The following RASEF variants were observed in gnomAD, a reference collection of about 807,000 sequenced individuals.
The protein encoded by RASEF is RAS and EF-hand domain containing.
Under a neutral mutation model 90.1 loss-of-function variants are expected in RASEF, and 68 were observed. The observed-to-expected ratio is 0.75, with a 90% CI of 0.62 to 0.92. The LOEUF (loss-of-function observed/expected upper bound fraction) is 0.92. RASEF is among the 40% of genes least tolerant of loss of function. The pLI, the probability that RASEF is intolerant of heterozygous loss-of-function variation, is 0.00. For missense variants in RASEF, 949 were observed against 937.2 expected, an observed-to-expected ratio of 1.01 and a Z score of -0.16; for synonymous variants, 331 against 345.2, an observed-to-expected ratio of 0.96 and a Z score of 0.46.
At chr9:83,142,072 T>C in the RASEF span, among the ~76,000 whole-genome samples, 2 of 152,178 alleles carry the variant, frequency 1.3e-5, no homozygotes, top group South Asian at 4.1e-4. Flanking sequence ...ACCATGTCCC[T>C]GGCAAAAACT....
At chr9:83,102,851 T>TG in the RASEF span, among the ~76,000 whole-genome samples, 2 of 152,146 alleles carry the variant, frequency 1.3e-5, no homozygotes, top group African/African-American at 2.4e-5. Flanking sequence ...AGGAGGTAGT[T>TG]GGGGGGTACA....
the RASEF span, among the ~76,000 whole-genome samples, chr9:83,128,437 A>G: frequency 6.9e-6 from 1 of 145,944 alleles, no homozygotes; most frequent in Admixed American, 6.8e-5. Context: ...GTCGTGCCCA[A>G]TTTTGAGTGG....
the RASEF span, chr9:83,202,011 C>A: frequency 1.3e-5 from 2 of 155,412 alleles, no homozygotes; most frequent in South Asian, 3.5e-4. Context: ...GCTATGGGGT[C>A]AAATACATCT....
chr9:83,191,146 G>T, the RASEF span, among the ~76,000 whole-genome samples: 1 of 152,134 alleles, frequency 6.6e-6, no homozygotes, highest in Non-Finnish European at 1.5e-5. Flanking sequence ...AGTCTAATGA[G>T]AGACTATCCC....
At chr9:83,115,255 T>A in the RASEF span, among the ~76,000 whole-genome samples, 1 of 152,150 alleles carries the variant, frequency 6.6e-6, no homozygotes, top group Non-Finnish European at 1.5e-5. Flanking sequence ...AAACCTGATA[T>A]CTAGATAGTA....
At chr9:83,173,445 C>G in the RASEF span, among the ~76,000 whole-genome samples, 4 of 151,584 alleles carry the variant, frequency 2.6e-5, no homozygotes, top group African/African-American at 9.7e-5. Flanking sequence ...TTTTTCTCCT[C>G]TGACTGTGTA....
the RASEF span, among the ~76,000 whole-genome samples, chr9:83,115,490 C>T: frequency 6.6e-6 from 1 of 152,126 alleles, no homozygotes; most frequent in South Asian, 2.1e-4. Context: ...GGTCAATTTC[C>T]CATCCAACAA....
chr9:83,181,417 A>G, the RASEF span, among the ~76,000 whole-genome samples: 1 of 152,176 alleles, frequency 6.6e-6, no homozygotes, highest in Non-Finnish European at 1.5e-5. Context: ...ATATTGAGGA[A>G]GGACCAAAAT....
chr9:83,066,180 C>T (rs76545839), upstream of RASEF, among the ~76,000 whole-genome samples: 1 of 152,220 alleles, frequency 6.6e-6, no homozygotes, highest in Non-Finnish European at 1.5e-5. Context: ...CACTTCATCA[C>T]ATGATTACGT....
At chr9:83,190,068 C>T in the RASEF span, among the ~76,000 whole-genome samples, 1 of 152,138 alleles carries the variant, frequency 6.6e-6, no homozygotes. Context: ...TAATTATTTC[C>T]TTGTACTAGC....
chr9:83,031,452 AT>A (rs1379563429), intron 1 of RASEF, among the ~76,000 whole-genome samples: 1 of 152,180 alleles, frequency 6.6e-6, no homozygotes, highest in Admixed American at 6.5e-5. Context: ...TTTAATTCTC[AT>A]GACAACTCTA....
the RASEF span, among the ~76,000 whole-genome samples, chr9:83,107,029 T>G: frequency 6.6e-6 from 1 of 152,176 alleles, no homozygotes; most frequent in African/African-American, 2.4e-5. Context: ...GAGCAGCAAC[T>G]TGTTACACTC....
the RASEF span, among the ~76,000 whole-genome samples, chr9:83,072,371 A>G: frequency 6.6e-6 from 1 of 152,090 alleles, no homozygotes; most frequent in South Asian, 2.1e-4. Flanking sequence ...CCACTTTGCC[A>G]CTTTGCTACT....
chr9:83,177,173 T>C, the RASEF span, among the ~76,000 whole-genome samples: 1 of 152,192 alleles, frequency 6.6e-6, no homozygotes, highest in African/African-American at 2.4e-5. Context: ...ATTCCCATTG[T>C]CTTTTATAAT....
chr9:83,049,362 G>A (rs1329816566), intron 1 of RASEF: 44 of 984,174 alleles, frequency 4.5e-5, no homozygotes, highest in Admixed American at 6.2e-5. Context: ...GTCAATGTCC[G>A]TGCGGGACTG....
intron 1 of RASEF, among the ~76,000 whole-genome samples, chr9:83,046,396 A>T (rs1253734367): frequency 6.6e-6 from 1 of 151,954 alleles, no homozygotes; most frequent in Non-Finnish European, 1.5e-5. Context: ...TTTTTTCCAT[A>T]TGCCTTGTGT....
chr9:83,213,093 T>TTA, the RASEF span, among the ~76,000 whole-genome samples: 5 of 145,844 alleles, frequency 3.4e-5, no homozygotes, highest in African/African-American at 1.2e-4. Flanking sequence ...GCACACGTTT[T>TTA]AAAAAAAAAA....
At chr9:83,144,397 AAAG>A in the RASEF span, among the ~76,000 whole-genome samples, 44 of 146,266 alleles carry the variant, frequency 3.0e-4, 1 homozygote, top group African/African-American at 1.1e-3. Flanking sequence ...GAAAGGAAAG[AAAG>A]AAAGAAAGAA....
the RASEF span, among the ~76,000 whole-genome samples, chr9:83,084,414 A>G: frequency 2.0e-5 from 3 of 152,320 alleles, no homozygotes; most frequent in South Asian, 6.2e-4. Context: ...AGTTGTAAAA[A>G]GCAGGCAGCT....
Sources: allele counts gnomAD v4.1 joint callset (sites outside exome capture counted in the v4.1 genomes callset), GRCh38; gene constraint gnomAD v4.1.1; transcripts MANE v1.5; gene names NCBI Gene and HGNC (gene_info 2026-07-23, HGNC 2026-07-21).